Variants in TBXAS1 observed in about 807,000 individuals in gnomAD.
The protein encoded by TBXAS1 is thromboxane A synthase 1, also known as thromboxane-A synthase.
In TBXAS1, 48 loss-of-function variants were observed where a neutral mutation model predicts 60.7. The observed-to-expected ratio is 0.79, with a 90% CI of 0.63 to 1.01. The LOEUF is 1.01. TBXAS1 is among the 50% of genes least tolerant of loss of function. The probability of loss-of-function intolerance (pLI) is 0.00; values close to 1 mark genes in which losing one functional copy is unlikely to be tolerated. For synonymous variants in TBXAS1, 287 were observed against 269.7 expected (o/e 1.06, Z -0.63); for missense variants, 685 against 686.3 (o/e 1.00, Z 0.02).
At chr7:139,893,731 T>A (rs1803846722) in intron 3 of TBXAS1, among the ~76,000 whole-genome samples, 2 of 152,264 alleles carry the variant, frequency 1.3e-5, no homozygotes, top group African/African-American at 4.8e-5. Flanking sequence ...TACTCTTTTT[T>A]TATTGTTATG....
chr7:139,938,980 T>A (rs1486989238), intron 5 of TBXAS1, among the ~76,000 whole-genome samples: 1 of 150,214 alleles, frequency 6.7e-6, no homozygotes, highest in Non-Finnish European at 1.5e-5. Context: ...GCTCCTGGAG[T>A]CCAGTCTTCT....
At chr7:139,977,783 T>C (rs1287668170) in intron 9 of TBXAS1, among the ~76,000 whole-genome samples, 2 of 152,220 alleles carry the variant, frequency 1.3e-5, no homozygotes, top group Non-Finnish European at 2.9e-5. Flanking sequence ...CCGATGGTTA[T>C]CAGCACCACC....
At chr7:139,889,083 A>G (rs570755289) in intron 3 of TBXAS1, among the ~76,000 whole-genome samples, 1 of 152,136 alleles carries the variant, frequency 6.6e-6, no homozygotes, top group Non-Finnish European at 1.5e-5. Flanking sequence ...CTGTAATTCT[A>G]GCACATTGGG....
chr7:139,984,408 C>A (rs919143152), intron 9 of TBXAS1, among the ~76,000 whole-genome samples: 1 of 152,026 alleles, frequency 6.6e-6, no homozygotes, highest in Admixed American at 6.6e-5. Context: ...TGCCACAATG[C>A]CTCTGCTCCA....
chr7:140,010,558 G>A (rs1814529261), intron 10 of TBXAS1, among the ~76,000 whole-genome samples: 1 of 152,180 alleles, frequency 6.6e-6, no homozygotes, highest in Non-Finnish European at 1.5e-5. Context: ...AGAAGAACAA[G>A]CAGGGTGCCA....
intron 3 of TBXAS1, among the ~76,000 whole-genome samples, chr7:139,889,140 T>C (rs567549368): frequency 6.6e-6 from 1 of 151,984 alleles, no homozygotes; most frequent in East Asian, 1.9e-4. Context: ...TGAGACAGCC[T>C]GGGCAATATA....
intron 9 of TBXAS1, among the ~76,000 whole-genome samples, chr7:139,984,646 G>GAAAGAAAGAAAGAAAGAAAGAAAC: frequency 7.6e-6 from 1 of 131,838 alleles, no homozygotes; most frequent in Non-Finnish European, 1.6e-5. Flanking sequence ...GAGAGAGAAA[G>GAAAGAAAGAAAGAAAGAAAGAAAC]AAAGAAAGGG....
At chr7:140,003,124 C>CA (rs762640788) in intron 9 of TBXAS1, among the ~76,000 whole-genome samples, 820 of 33,054 alleles carry the variant, frequency 0.025, 8 homozygotes, top group African/African-American at 0.071. Context: ...AACTCCGTCT[C>CA]AAAAAAAAAA....
chr7:139,955,720 G>A (rs1809817789), intron 7 of TBXAS1, 113 bp downstream of exon 7: 15 of 1,493,950 alleles, frequency 1.0e-5, no homozygotes, highest in East Asian at 2.3e-5. Context: ...AAGGGCACTC[G>A]GGTTGTTCCC....
chr7:139,864,018 A>G (rs943820566), intron 1 of TBXAS1, among the ~76,000 whole-genome samples: 7 of 152,204 alleles, frequency 4.6e-5, no homozygotes, highest in African/African-American at 1.7e-4. Context: ...ATCAAGAACA[A>G]GAAAAGGATG....
upstream of TBXAS1, among the ~76,000 whole-genome samples, chr7:139,824,307 G>T (rs531787815): frequency 6.6e-5 from 10 of 152,334 alleles, no homozygotes; most frequent in South Asian, 1.9e-3. Flanking sequence ...CGCATGGCTC[G>T]AGACGGAAAG....
At position 139,962,081 on chromosome 7, in the gene TBXAS1, G is replaced by A; in HGVS notation, c.982G>A (p.Val328Met). Residue 328 changes from valine (V) to methionine (M), a missense_variant, in exon 9 of 13, where the codon GTG becomes ATG. Val to Met is a conservative substitution (Grantham distance 21, BLOSUM62 1). Transcript: ENST00000448866. ...CAGCCCTATGGCCAGGCCTTTGACT[G>A]TGGATGAGATTGTGGGCCAGGCCTT... Reference protein sequence around the residue: ...QPSPMARPLTVDEIVGQAFIF... With the variant: ...QPSPMARPLTMDEIVGQAFIF... 1 of 1,614,216 alleles carries A rather than the reference G, an allele frequency of 6.2e-7. No homozygotes were observed. The highest frequency in any genetic ancestry group is 8.5e-7 in the Non-Finnish European group (1 of 1,180,034).
chr7:139,859,712 G>A (rs1267475760), intron 1 of TBXAS1, among the ~76,000 whole-genome samples: 1 of 152,222 alleles, frequency 6.6e-6, no homozygotes, highest in Non-Finnish European at 1.5e-5. Context: ...AATACTCGTT[G>A]AGACTTACTG....
intron 8 of TBXAS1, among the ~76,000 whole-genome samples, chr7:139,959,873 G>A (rs1003941121): frequency 6.6e-6 from 1 of 152,156 alleles, no homozygotes; most frequent in Non-Finnish European, 1.5e-5. Flanking sequence ...GAGGGAGCAA[G>A]GGATGCTCAC....
chr7:139,982,887 A>G (rs1446241798), intron 9 of TBXAS1, among the ~76,000 whole-genome samples: 1 of 152,134 alleles, frequency 6.6e-6, no homozygotes, highest in African/African-American at 2.4e-5. Flanking sequence ...ATTTGTGGCC[A>G]AACTCGAAAT....
intron 3 of TBXAS1, among the ~76,000 whole-genome samples, chr7:139,904,711 G>T (rs1476686775): frequency 6.6e-6 from 1 of 152,048 alleles, no homozygotes; most frequent in East Asian, 1.9e-4. Flanking sequence ...TGCAGCTATT[G>T]TAAAAGGGGT....
intron 9 of TBXAS1, among the ~76,000 whole-genome samples, chr7:139,993,955 C>G (rs1813118156): frequency 7.1e-6 from 1 of 139,946 alleles, no homozygotes; most frequent in African/African-American, 2.8e-5. Context: ...AGGGCAGTGG[C>G]TTACTGCAGC....
intron 4 of TBXAS1, chr7:139,789,518 A>C (rs1797310932): frequency 1.3e-5 from 2 of 151,828 alleles, no homozygotes; most frequent in South Asian, 4.1e-4. Context: ...AAGTGCTGAG[A>C]TTACAGGTGC....
chr7:139,786,586 T>C (rs1235099066), intron 3 of TBXAS1, among the ~76,000 whole-genome samples: 4 of 152,180 alleles, frequency 2.6e-5, no homozygotes, highest in African/African-American at 9.7e-5. Flanking sequence ...CCTGAAGCTT[T>C]TCACTCTATG....
Sources: allele counts gnomAD v4.1 joint callset (sites outside exome capture counted in the v4.1 genomes callset), GRCh38; gene constraint gnomAD v4.1.1; transcripts MANE v1.5; gene names NCBI Gene and HGNC (gene_info 2026-07-23, HGNC 2026-07-21).